The following CNKSR2 variants were observed in gnomAD, a reference collection of about 807,000 sequenced individuals.
CNKSR2 encodes connector enhancer of kinase suppressor of Ras 2.
CNKSR2 carries 14 observed loss-of-function variants against 84.4 expected under a neutral mutation model. The ratio of observed to expected loss-of-function variants is 0.17; its 90% CI spans 0.11 to 0.26. The LOEUF (loss-of-function observed/expected upper bound fraction) is 0.26, where lower values mean the gene tolerates loss of function less well. Among genes scored for constraint, CNKSR2 ranks in the 10% least tolerant of loss-of-function variants. The pLI is 1.00. For synonymous variants in CNKSR2, 275 were observed against 277.9 expected (o/e 0.99, Z 0.10); for missense variants, 485 against 771.2 (o/e 0.63, Z 4.40).
chrX:21,410,562 A>G (rs913579548), intron 1 of CNKSR2, among the ~76,000 whole-genome samples: 1 of 111,542 alleles, frequency 9.0e-6, no homozygotes, highest in East Asian at 2.8e-4. Flanking sequence ...TTTAGGAAAC[A>G]TGATCAGAAA....
chrX:21,427,444 T>C (rs1344627685), intron 2 of CNKSR2: 1 of 111,573 alleles, frequency 9.0e-6, no homozygotes, highest in Non-Finnish European at 1.9e-5. Flanking sequence ...AAAGCAAATT[T>C]CTGGGTAGTG....
At chrX:21,576,300 T>G (rs2092319138) in intron 13 of CNKSR2, among the ~76,000 whole-genome samples, 1 of 111,682 alleles carries the variant, frequency 9.0e-6, no homozygotes, top group Non-Finnish European at 1.9e-5. Context: ...ACTTGGAAAT[T>G]AAAGAACATA....
intron 20 of CNKSR2, among the ~76,000 whole-genome samples, chrX:21,620,631 C>A (rs1223659959): frequency 9.0e-6 from 1 of 111,234 alleles, no homozygotes; most frequent in Non-Finnish European, 1.9e-5. Context: ...AGAGTTCTTC[C>A]TTGTATTGAT....
intron 20 of CNKSR2, chrX:21,641,729 GA>G: frequency 9.4e-7 from 1 of 1,058,309 alleles, no homozygotes; most frequent in Non-Finnish European, 1.2e-6. Context: ...GTTTATAACA[GA>G]AAACAGACTT....
chrX:21,529,365 T>C (rs900457153), intron 10 of CNKSR2, among the ~76,000 whole-genome samples: 1 of 111,395 alleles, frequency 9.0e-6, no homozygotes, highest in Non-Finnish European at 1.9e-5. Context: ...ATTATCATTA[T>C]ATATAGTACA....
At chrX:21,432,959 G>A (rs2090656269) in intron 3 of CNKSR2, 145 bp downstream of exon 3, 2 of 540,777 alleles carry the variant, frequency 3.7e-6, no homozygotes, top group Admixed American at 4.7e-5. Context: ...CCACAATATA[G>A]GGGTATTAAA....
chrX:21,527,936 A>G (rs760361095), intron 10 of CNKSR2, among the ~76,000 whole-genome samples: 2 of 111,098 alleles, frequency 1.8e-5, no homozygotes, highest in Non-Finnish European at 3.8e-5. Flanking sequence ...TCTGTATTCT[A>G]TTAGATATGA....
chrX:21,650,944 TTA>T (rs1447683136), intron 21 of CNKSR2, among the ~76,000 whole-genome samples: 2 of 111,633 alleles, frequency 1.8e-5, no homozygotes, highest in East Asian at 2.8e-4. Context: ...CCCTCCCACC[TTA>T]TAGAGCCTCT....
intron 8 of CNKSR2, among the ~76,000 whole-genome samples, chrX:21,509,591 C>T (rs1016800250): frequency 8.9e-6 from 1 of 111,826 alleles, no homozygotes; most frequent in African/African-American, 3.2e-5. Context: ...ACTGCATACA[C>T]ATTAGCTTAT....
chrX:21,407,471 C>T (rs2090279290), intron 1 of CNKSR2, among the ~76,000 whole-genome samples: 1 of 110,878 alleles, frequency 9.0e-6, no homozygotes, highest in Non-Finnish European at 1.9e-5. Flanking sequence ...TTTTATTATT[C>T]TCTAGTTTCT....
chrX:21,440,015 A>T (rs1205805995), intron 3 of CNKSR2, among the ~76,000 whole-genome samples: 1 of 110,696 alleles, frequency 9.0e-6, no homozygotes, highest in Admixed American at 9.7e-5. Flanking sequence ...ACAAAATATT[A>T]CCAAACTAAA....
chrX:21,545,462 A>G (rs1442901678), intron 11 of CNKSR2, among the ~76,000 whole-genome samples: 3 of 111,738 alleles, frequency 2.7e-5, no homozygotes, highest in African/African-American at 6.5e-5. Context: ...GGGACAGAGC[A>G]CGTGGGGGAA....
rs759415675 is a variant in CNKSR2, at chrX:21,490,489, A to G, written c.592A>G (p.Ile198Val). The G allele has an allele frequency of 1.5e-4, 183 of 1,207,257 alleles. No homozygotes were observed. Among genetic ancestry groups the G allele is most frequent in the Non-Finnish European group, 2.0e-4 (180 of 893,092 alleles). The change falls in exon 6 of 22, where the codon ATC becomes GTC. Residue 198 changes from isoleucine (I) to valine (V), a missense_variant. Transcript: ENST00000379510. ...AACTCTTTCTGGAGTCTGTGACCAC[A>G]TCATATCCCTGTCGTCAGATCCTCT... ...CKTLSGVCDH[I>V]ISLSSDPLVS...
chrX:21,652,287 G>T lies in CNKSR2; in HGVS notation c.2890-19G>T. The T allele has an allele frequency of 8.6e-7, 1 of 1,163,611 alleles. No individual in the cohort carries two copies. Among genetic ancestry groups the T allele is most frequent in the Non-Finnish European group, 1.2e-6 (1 of 855,049 alleles). On this transcript the variant is annotated intron_variant, in intron 21 of 21. Coordinates refer to ENST00000379510, the MANE Select transcript of CNKSR2 (RefSeq NM_014927.5). ...AAACTTTGTCCCTGTCTTAATTGTT[G>T]AATCCTTTTTCTTTTCAGGCCAGAG...
At chrX:21,408,328 G>A (rs1370786612) in intron 1 of CNKSR2, among the ~76,000 whole-genome samples, 1 of 111,676 alleles carries the variant, frequency 9.0e-6, no homozygotes, top group Non-Finnish European at 1.9e-5. Context: ...CAGCTGTCTT[G>A]AGTATAATTC....
intron 20 of CNKSR2, among the ~76,000 whole-genome samples, chrX:21,617,331 T>G (rs937139341): frequency 1.8e-5 from 2 of 111,525 alleles, no homozygotes; most frequent in Non-Finnish European, 3.8e-5. Context: ...AATGCCTCAT[T>G]TTTGTCCCTC....
intron 20 of CNKSR2, among the ~76,000 whole-genome samples, chrX:21,647,360 C>T (rs190094209): frequency 1.7e-4 from 19 of 111,633 alleles, no homozygotes; most frequent in Admixed American, 9.5e-5. Flanking sequence ...TAAAAATGAC[C>T]TTTTTAGGTT....
intron 18 of CNKSR2, 93 bp downstream of exon 18, chrX:21,601,442 A>G: frequency 1.8e-6 from 1 of 558,875 alleles, no homozygotes; most frequent in Non-Finnish European, 2.8e-6. Context: ...GAGAGAAAAT[A>G]CATGTCAATT....
At chrX:21,561,604 A>G (rs752697762) in intron 12 of CNKSR2, 44 bp downstream of exon 12, 1 of 935,399 alleles carries the variant, frequency 1.1e-6, no homozygotes, top group East Asian at 3.1e-5. Context: ...TGTTTGAACA[A>G]TAAGCAAATT....
Sources: allele counts gnomAD v4.1 joint callset (sites outside exome capture counted in the v4.1 genomes callset), GRCh38; gene constraint gnomAD v4.1.1; transcripts MANE v1.5; gene names NCBI Gene and HGNC (gene_info 2026-07-23, HGNC 2026-07-21).